The following ALCAM variants were observed in gnomAD, a reference collection of about 807,000 sequenced individuals.
The protein encoded by ALCAM is activated leukocyte cell adhesion molecule.
In ALCAM, 30 loss-of-function variants were observed where a neutral mutation model predicts 70.9. The observed-to-expected ratio is 0.42, with a 90% confidence interval of 0.32 to 0.57. The LOEUF is 0.57. Among genes scored for constraint, ALCAM ranks in the 20% least tolerant of loss-of-function variants. The pLI is 0.11. For synonymous variants in ALCAM, 249 were observed against 242.5 expected (o/e 1.03, Z -0.25); for missense variants, 591 against 695.1 (o/e 0.85, Z 1.68).
At chr3:105,485,282 C>T (rs141940189) in intron 1 of ALCAM, among the ~76,000 whole-genome samples, 4 of 152,056 alleles carry the variant, frequency 2.6e-5, no homozygotes, top group African/African-American at 7.2e-5. Context: ...CTGAGTACAG[C>T]ATTGATATAC....
intron 1 of ALCAM, among the ~76,000 whole-genome samples, chr3:105,501,118 C>G (rs1938907141): frequency 6.6e-6 from 1 of 152,162 alleles, no homozygotes; most frequent in Non-Finnish European, 1.5e-5. Flanking sequence ...CAGAAGGGAG[C>G]AATAAATGGG....
At chr3:105,450,669 A>G (rs1162411817) in intron 1 of ALCAM, among the ~76,000 whole-genome samples, 2 of 152,152 alleles carry the variant, frequency 1.3e-5, no homozygotes, top group Non-Finnish European at 2.9e-5. Flanking sequence ...TTTTTTCTAT[A>G]TGTCTCAGAC....
At chr3:105,544,910 T>C (rs1200155786) in intron 8 of ALCAM, 1 of 279,142 alleles carries the variant, frequency 3.6e-6, no homozygotes, top group African/African-American at 2.3e-5. Flanking sequence ...CAGAAGTGAC[T>C]TAAGATTTTT....
chr3:105,410,659 G>A (rs1038223955), intron 1 of ALCAM, among the ~76,000 whole-genome samples: 4 of 151,824 alleles, frequency 2.6e-5, no homozygotes, highest in African/African-American at 7.3e-5. Context: ...TTACCTTTCC[G>A]AGGCAGGCAG....
At chr3:105,531,414 T>A (rs2152626620) in intron 3 of ALCAM, 1 of 152,340 alleles carries the variant, frequency 6.6e-6, no homozygotes, top group East Asian at 1.9e-4. Context: ...TTTGGGTTTA[T>A]AAATTCCTTA....
In ALCAM at chr3:105,370,613, A is replaced by G. The variant is rs186051274; in HGVS notation, c.73+3132A>G. On this transcript the variant is annotated intron_variant, in intron 1 of 15. Transcript: ENST00000306107. The stretch of plus-strand genomic sequence containing the variant: ...AAGGATCTCAGTCTAGACAAAATTC[A>G]TATAAATTGTATTATTAGAAAAGTA... Among the ~76,000 whole-genome samples the G allele has an allele frequency of 1.7e-3, 253 of 152,310 alleles. 2 individuals carry two copies. The highest frequency in any genetic ancestry group is 5.8e-3 in the African/African-American group (242 of 41,570).
chr3:105,524,748 G>A (rs918493330), intron 3 of ALCAM: 1 of 1,261,128 alleles, frequency 7.9e-7, no homozygotes, highest in Admixed American at 3.6e-5. Context: ...ACTTTGTCAT[G>A]TAAAAATGTC....
chr3:105,404,885 G>A (rs913933469), intron 1 of ALCAM, among the ~76,000 whole-genome samples: 4 of 152,152 alleles, frequency 2.6e-5, no homozygotes, highest in African/African-American at 9.6e-5. Flanking sequence ...TATGATAAAG[G>A]TGTGGAAAAA....
chr3:105,475,669 A>G (rs1209203981), intron 1 of ALCAM, among the ~76,000 whole-genome samples: 1 of 151,982 alleles, frequency 6.6e-6, no homozygotes, highest in Non-Finnish European at 1.5e-5. Flanking sequence ...GATTATTTGA[A>G]TAAGTTTAAG....
intron 1 of ALCAM, among the ~76,000 whole-genome samples, chr3:105,499,081 A>C (rs1335795483): frequency 1.3e-5 from 2 of 152,206 alleles, no homozygotes; most frequent in Non-Finnish European, 2.9e-5. Flanking sequence ...AAATTACAAT[A>C]GTACAATATC....
intron 1 of ALCAM, among the ~76,000 whole-genome samples, chr3:105,392,068 G>A (rs1276251217): frequency 2.6e-5 from 4 of 151,872 alleles, no homozygotes; most frequent in Non-Finnish European, 5.9e-5. Flanking sequence ...TTGGTATCAC[G>A]ATAATGCTGG....
intron 9 of ALCAM, among the ~76,000 whole-genome samples, chr3:105,546,308 A>C (rs1304356207): frequency 6.6e-6 from 1 of 151,364 alleles, no homozygotes; most frequent in Admixed American, 6.6e-5. Context: ...TTTCTTTTTG[A>C]TGGAAATATA....
rs539539932 is a variant in ALCAM, at chr3:105,496,332, A to G, written c.74-23735A>G. Among the ~76,000 whole-genome samples, 245 of 55,494 alleles carry G rather than the reference A, an allele frequency of 4.4e-3. 1 individual carries two copies. The highest frequency in any genetic ancestry group is 0.021 in the African/African-American group (240 of 11,166). The allele number at this position is 55,494 out of a possible 152,430, so 36.4% of individuals were successfully genotyped here. A position where few individuals can be genotyped will look rare whatever the true frequency, so the allele number is the denominator to read the frequency against. On this transcript the variant is annotated intron_variant, in intron 1 of 15. Coordinates refer to ENST00000306107, the MANE Select transcript of ALCAM (RefSeq NM_001627.4). Reference sequence around the variant, plus strand: ...TATTGTGGTCTTAAAGCCATTCAGAAAGGACTAACAGTCATTTCCCCAGAA... The same window carrying G: ...TATTGTGGTCTTAAAGCCATTCAGAGAGGACTAACAGTCATTTCCCCAGAA...
intron 14 of ALCAM, among the ~76,000 whole-genome samples, chr3:105,568,875 G>A (rs958628689): frequency 6.6e-6 from 1 of 151,580 alleles, no homozygotes; most frequent in South Asian, 2.1e-4. Context: ...AAGTACACTT[G>A]GTGTTTTGTT....
intron 1 of ALCAM, among the ~76,000 whole-genome samples, chr3:105,414,484 G>C (rs114101496): frequency 6.6e-6 from 1 of 152,028 alleles, no homozygotes; most frequent in East Asian, 1.9e-4. Flanking sequence ...TAGGAATACA[G>C]GATTGTCTGA....
chr3:105,509,372 T>G (rs1939172127), intron 1 of ALCAM, among the ~76,000 whole-genome samples: 1 of 152,050 alleles, frequency 6.6e-6, no homozygotes, highest in South Asian at 2.1e-4. Context: ...TCATCAATAC[T>G]TGGTATCTCT....
At chr3:105,485,079 C>T (rs1255112183) in intron 1 of ALCAM, among the ~76,000 whole-genome samples, 1 of 151,928 alleles carries the variant, frequency 6.6e-6, no homozygotes, top group African/African-American at 2.4e-5. Context: ...TCTATCAAAT[C>T]TCGAATTATG....
At chr3:105,441,657 C>T (rs557739597) in intron 1 of ALCAM, among the ~76,000 whole-genome samples, 3 of 152,226 alleles carry the variant, frequency 2.0e-5, no homozygotes, top group African/African-American at 7.2e-5. Context: ...TATTCCATAC[C>T]CTTCATAATT....
chr3:105,550,343 C>T lies in ALCAM; in HGVS notation c.1507+84C>T, dbSNP rs992016266. The T allele has an allele frequency of 3.8e-6, 5 of 1,306,124 alleles. No individual in the cohort carries two copies. The African/African-American group carries it at 7.5e-5, about 20-fold the overall frequency. The allele number at this position is 1,306,124 out of a possible 1,614,324, so 80.9% of individuals were successfully genotyped here. On this transcript the variant is annotated intron_variant, in intron 12 of 15. Transcript: ENST00000306107. ...GTTTAAAATCTTCAATTCCATCTTC[C>T]TGTACTGCATTATGGTAAGTTTTAT...
Sources: allele counts gnomAD v4.1 joint callset (sites outside exome capture counted in the v4.1 genomes callset), GRCh38; gene constraint gnomAD v4.1.1; transcripts MANE v1.5; gene names NCBI Gene and HGNC (gene_info 2026-07-23, HGNC 2026-07-21).